VRK2: variants seen among roughly 807,000 people sequenced by gnomAD.
VRK2 encodes VRK serine/threonine kinase 2.
In VRK2, 60 loss-of-function variants were observed where a neutral mutation model predicts 57.6. The ratio of observed to expected loss-of-function variants is 1.04; its 90% confidence interval spans 0.85 to 1.29. VRK2 has a LOEUF of 1.29. VRK2 is among the 50% of genes most tolerant of loss of function. The pLI is 0.00. For synonymous variants in VRK2, 231 were observed against 199.2 expected, an observed-to-expected ratio of 1.16 and a Z score of -1.35; for missense variants, 705 against 588.1, an observed-to-expected ratio of 1.20 and a Z score of -2.06.
At chr2:57,980,699 G>A (rs1339220286) in intron 1 of VRK2, among the ~76,000 whole-genome samples, 1 of 152,198 alleles carries the variant, frequency 6.6e-6, no homozygotes, top group Non-Finnish European at 1.5e-5. Context: ...TTTGTTTTAT[G>A]AATCTGGGTG....
chr2:58,057,239 A>G (rs1676659388), intron 2 of VRK2, among the ~76,000 whole-genome samples: 3 of 152,294 alleles, frequency 2.0e-5, no homozygotes, highest in Admixed American at 2.0e-4. Flanking sequence ...TGTATGAGAC[A>G]AAAAAATTCC....
chr2:58,077,532 C>T (rs548191251), intron 2 of VRK2, among the ~76,000 whole-genome samples: 1 of 151,620 alleles, frequency 6.6e-6, no homozygotes, highest in Admixed American at 6.6e-5. Context: ...TTTTTTTTAA[C>T]CTTCTTTAAA....
At chr2:57,980,728 A>G (rs1672397004) in intron 1 of VRK2, among the ~76,000 whole-genome samples, 1 of 152,198 alleles carries the variant, frequency 6.6e-6, no homozygotes, top group Non-Finnish European at 1.5e-5. Flanking sequence ...TTGGGTGCAT[A>G]TACATTTAGG....
chr2:58,046,624 C>T (rs1011964477), upstream of VRK2: 13 of 985,620 alleles, frequency 1.3e-5, no homozygotes, highest in African/African-American at 1.9e-4. Context: ...CTCTCCTTCC[C>T]CTGGGCGTCT....
At chr2:57,955,769 A>T (rs1478925470) in intron 1 of VRK2, among the ~76,000 whole-genome samples, 4 of 152,198 alleles carry the variant, frequency 2.6e-5, no homozygotes, top group African/African-American at 4.8e-5. Context: ...TAAATTTTTT[A>T]AATAAAATTT....
chr2:58,113,208 C>G (rs974260272), intron 7 of VRK2, among the ~76,000 whole-genome samples: 1 of 151,554 alleles, frequency 6.6e-6, no homozygotes, highest in Non-Finnish European at 1.5e-5. Flanking sequence ...ACTCAGGAGG[C>G]TGCGGCAGGA....
intron 12 of VRK2, among the ~76,000 whole-genome samples, chr2:58,147,802 T>G (rs961633949): frequency 6.0e-5 from 2 of 33,310 alleles, no homozygotes; most frequent in Non-Finnish European, 1.1e-4. Context: ...CACTCAGTGT[T>G]TTTTTTTTTT....
chr2:58,048,805 A>T, intron 1 of VRK2, 22 bp from the exon 2 acceptor site: 3 of 1,611,138 alleles, frequency 1.9e-6, no homozygotes, highest in Non-Finnish European at 2.5e-6. Context: ...TTACCCATTT[A>T]TCTCACCCCT....
chr2:58,146,373 G>T lies in VRK2; in HGVS notation c.1081G>T (p.Glu361Ter). ...CAACAAGGCACACAATAGGTTAATC[G>T]AAAAAAAAGTCCACAGTGAGAGAAG... is the stretch of plus-strand genomic sequence containing the variant. ...QVNKAHNRLI[E>*]KKVHSERSAE... Residue 361 changes from glutamate (E) to a stop codon, truncating the protein, a stop_gained, in exon 12 of 13, where the codon GAA becomes TAA. Transcript: ENST00000340157. LOFTEE classifies it high-confidence loss of function. 1.2e-6 allele frequency: 2 copies of T among 1,610,514 alleles called. No individual in the cohort carries two copies. Among genetic ancestry groups the T allele is most frequent in the South Asian group, 2.2e-5 (2 of 90,922 alleles).
At chr2:57,977,170 A>AATTTAGGATTGCTTTGGCT (rs1315798070) in intron 1 of VRK2, among the ~76,000 whole-genome samples, 1 of 151,854 alleles carries the variant, frequency 6.6e-6, no homozygotes, top group African/African-American at 2.4e-5. Context: ...TTGTTCTTTT[A>AATTTAGGATTGCTTTGGCT]ATTTAGGATT....
chr2:58,121,435 A>G (rs937129341), intron 7 of VRK2, among the ~76,000 whole-genome samples: 1 of 152,196 alleles, frequency 6.6e-6, no homozygotes, highest in Non-Finnish European at 1.5e-5. Flanking sequence ...AAAGCAAGCA[A>G]CCTGTTCCAT....
intron 1 of VRK2, among the ~76,000 whole-genome samples, chr2:57,975,225 A>G (rs1313942551): frequency 6.6e-6 from 1 of 152,050 alleles, no homozygotes; most frequent in Admixed American, 6.6e-5. Flanking sequence ...ATTTAATACC[A>G]AGGTATTCAT....
At chr2:58,134,951 G>A (rs1166642795) in intron 9 of VRK2, among the ~76,000 whole-genome samples, 190 bp from the exon 10 acceptor site, 2 of 152,014 alleles carry the variant, frequency 1.3e-5, no homozygotes, top group African/African-American at 2.4e-5. Context: ...TATAAAATTA[G>A]TTTGTGGGCA....
intron 1 of VRK2, among the ~76,000 whole-genome samples, chr2:57,916,632 T>C (rs984263899): frequency 5.3e-5 from 8 of 152,152 alleles, no homozygotes; most frequent in Admixed American, 3.9e-4. Context: ...CTCTTTGTAA[T>C]CACTAGCCCT....
intron 7 of VRK2, among the ~76,000 whole-genome samples, chr2:58,099,277 C>T (rs1271458795): frequency 6.6e-6 from 1 of 151,992 alleles, no homozygotes; most frequent in Non-Finnish European, 1.5e-5. Flanking sequence ...TTTCATGCAA[C>T]AGTTTATATG....
intron 1 of VRK2, among the ~76,000 whole-genome samples, chr2:57,995,289 A>G (rs1672890787): frequency 6.6e-6 from 1 of 152,210 alleles, no homozygotes; most frequent in Non-Finnish European, 1.5e-5. Flanking sequence ...TAGATCCTCC[A>G]TTACAAAATA....
intron 12 of VRK2, among the ~76,000 whole-genome samples, chr2:58,154,228 A>G (rs1683451245): frequency 1.3e-5 from 2 of 150,732 alleles, no homozygotes; most frequent in Admixed American, 6.6e-5. Flanking sequence ...GTCATGTCTC[A>G]GAACCAGCTT....
At chr2:58,112,731 C>G (rs999040624) in intron 7 of VRK2, among the ~76,000 whole-genome samples, 4 of 152,080 alleles carry the variant, frequency 2.6e-5, no homozygotes, top group African/African-American at 9.7e-5. Flanking sequence ...AAGCAAATGA[C>G]TTTTAGGGGA....
At chr2:57,978,420 C>T (rs1370496123) in intron 1 of VRK2, among the ~76,000 whole-genome samples, 1 of 151,086 alleles carries the variant, frequency 6.6e-6, no homozygotes, top group East Asian at 1.9e-4. Flanking sequence ...ACTTCTAAGC[C>T]TTGATAACAG....
Sources: gnomAD v4.1 joint callset for allele counts (sites outside exome capture counted in the v4.1 genomes callset) on GRCh38, gnomAD v4.1.1 for gene constraint, MANE v1.5 for transcripts, NCBI Gene and HGNC (gene_info 2026-07-23, HGNC 2026-07-21) for gene names.